Variants in TENM4 observed in about 807,000 individuals in gnomAD.
TENM4 encodes teneurin transmembrane protein 4.
TENM4 carries 82 observed loss-of-function variants against 243.3 expected under a neutral mutation model. That is an observed-to-expected ratio of 0.34 (90% confidence interval 0.28 to 0.40). The LOEUF is 0.40. Ranked by LOEUF, TENM4 falls within the 10% of genes least tolerant of loss-of-function variation. The pLI is 1.00. For missense variants in TENM4, 3,138 were observed against 3,673.3 expected, an observed-to-expected ratio of 0.85 and a Z score of 3.77; for synonymous variants, 1,412 against 1,456.3, an observed-to-expected ratio of 0.97 and a Z score of 0.69.
intron 28 of TENM4, among the ~76,000 whole-genome samples, chr11:78,696,863 T>A (rs1858980124): frequency 6.7e-6 from 1 of 150,280 alleles, no homozygotes; most frequent in Non-Finnish European, 1.5e-5. Context: ...TATGTGGGAT[T>A]TTTTTTTTTC....
At position 78,866,247 on chromosome 11, in the gene TENM4, C is replaced by T. The variant is rs146885334; in HGVS notation, c.1085-3115G>A. On this transcript the variant is annotated intron_variant, in intron 9 of 33. Coordinates refer to ENST00000278550, the MANE Select transcript of TENM4 (RefSeq NM_001098816.3). ...ACGGAGAAATTGTTTGAGCTACAGA[C>T]GAATCAGATATATGCAGCTAAGTAA... 5.6e-3 allele frequency among the ~76,000 whole-genome samples: 849 copies of T among 152,186 alleles called. 9 individuals carry two copies. Among genetic ancestry groups the T allele is most frequent in the Non-Finnish European group, 6.4e-3 (437 of 68,008 alleles).
intron 20 of TENM4, among the ~76,000 whole-genome samples, chr11:78,737,248 A>G (rs535128619): frequency 4.6e-5 from 7 of 152,330 alleles, no homozygotes; most frequent in Non-Finnish European, 1.0e-4. Flanking sequence ...GGGAGTCTTC[A>G]TGAGGGCCTT....
At chr11:79,011,833 C>G (rs1275837686) in intron 6 of TENM4, among the ~76,000 whole-genome samples, 3 of 152,296 alleles carry the variant, frequency 2.0e-5, no homozygotes, top group East Asian at 1.9e-4. Flanking sequence ...ATTAGGGGAG[C>G]CTGCCCATCT....
chr11:78,735,942 C>T (rs1855780718), intron 20 of TENM4, among the ~76,000 whole-genome samples: 1 of 140,554 alleles, frequency 7.1e-6, no homozygotes, highest in Non-Finnish European at 1.5e-5. Flanking sequence ...TTCTTTCTTT[C>T]TCTCTCTCTT....
chr11:79,039,555 C>CT (rs913338334), intron 6 of TENM4, among the ~76,000 whole-genome samples: 55 of 152,322 alleles, frequency 3.6e-4, no homozygotes, highest in African/African-American at 1.3e-3. Flanking sequence ...TAGAACTCCT[C>CT]TACAGAAAAG....
chr11:79,309,054 C>A (rs1856675294), intron 1 of TENM4, among the ~76,000 whole-genome samples: 1 of 152,024 alleles, frequency 6.6e-6, no homozygotes, highest in Non-Finnish European at 1.5e-5. Flanking sequence ...GGGGTGGGGA[C>A]TATGGTAAAC....
chr11:79,241,461 G>A (rs1382755756), intron 2 of TENM4, among the ~76,000 whole-genome samples: 1 of 152,012 alleles, frequency 6.6e-6, no homozygotes, highest in African/African-American at 2.4e-5. Context: ...GAAGTTGGAG[G>A]GGACCCCGAT....
intron 3 of TENM4, among the ~76,000 whole-genome samples, chr11:79,177,592 T>G (rs1472091756): frequency 6.6e-6 from 1 of 152,074 alleles, no homozygotes; most frequent in African/African-American, 2.4e-5. Flanking sequence ...TGATGATCAA[T>G]ATTATGGAGG....
intron 29 of TENM4, 111 bp downstream of exon 29, chr11:78,687,943 C>T: frequency 3.8e-6 from 5 of 1,309,308 alleles, no homozygotes; most frequent in Non-Finnish European, 5.3e-6. Context: ...AGTTGCAATG[C>T]TTTCCTGTTC....
rs189437547 is a variant in TENM4 at position 78,949,661 on chromosome 11, G to C, written c.494-46138C>G. Among the ~76,000 whole-genome samples, 65 of 152,338 alleles carry C rather than the reference G, an allele frequency of 4.3e-4. No homozygotes were observed. The East Asian group carries it at 0.012, about 29-fold the overall frequency. The stretch of plus-strand genomic sequence containing the variant: ...AGACTAGGGGCTTGGGGAAGGATCA[G>C]AGGGGCTCAAGAAGTAGGGAAAGGG... On this transcript the variant is annotated intron_variant, in intron 6 of 33. Coordinates refer to ENST00000278550, the MANE Select transcript of TENM4 (RefSeq NM_001098816.3).
intron 6 of TENM4, among the ~76,000 whole-genome samples, chr11:78,906,675 G>C (rs1025398031): frequency 1.3e-5 from 2 of 152,104 alleles, no homozygotes; most frequent in Admixed American, 1.3e-4. Context: ...CTGCCTCCCC[G>C]TCCAGAAAGA....
chr11:78,738,209 G>T (rs1590981763), intron 20 of TENM4, among the ~76,000 whole-genome samples: 1 of 152,236 alleles, frequency 6.6e-6, no homozygotes, highest in East Asian at 1.9e-4. Flanking sequence ...TATGTATAAG[G>T]TACCCTCTCC....
At chr11:78,903,767 G>A in intron 6 of TENM4, 2 of 716,658 alleles carry the variant, frequency 2.8e-6, no homozygotes, top group Admixed American at 2.0e-5. Flanking sequence ...ATTCTAGCAG[G>A]GGAGTGAAAC....
chr11:79,341,061 C>T (rs1052634174), intron 1 of TENM4, among the ~76,000 whole-genome samples: 1 of 152,000 alleles, frequency 6.6e-6, no homozygotes, highest in African/African-American at 2.4e-5. Flanking sequence ...TGGGGAGAGA[C>T]CACACACCAC....
intron 14 of TENM4, among the ~76,000 whole-genome samples, chr11:78,811,388 C>T (rs1857496583): frequency 6.6e-6 from 1 of 152,190 alleles, no homozygotes; most frequent in Non-Finnish European, 1.5e-5. Context: ...CTTCCCTGGG[C>T]CTCAGTTTCT....
At chr11:79,417,191 T>C (rs11237826) in intron 1 of TENM4, among the ~76,000 whole-genome samples, 95,747 of 152,098 alleles carry the variant, frequency 0.63, 30,201 homozygotes, top group African/African-American at 0.65. Flanking sequence ...GTGTGTTTCA[T>C]GCGTTGACTC....
At chr11:79,430,435 A>T (rs1188112733) in intron 1 of TENM4, among the ~76,000 whole-genome samples, 2 of 152,182 alleles carry the variant, frequency 1.3e-5, no homozygotes, top group African/African-American at 4.8e-5. Context: ...GCCATTCACA[A>T]GCCCTTATGG....
chr11:79,193,576 G>A (rs1020689894), intron 3 of TENM4, among the ~76,000 whole-genome samples: 1 of 152,084 alleles, frequency 6.6e-6, no homozygotes, highest in Non-Finnish European at 1.5e-5. Context: ...AGTTGGGCTG[G>A]ATGGCTTCTG....
At chr11:79,222,797 G>A (rs1565256947) in intron 2 of TENM4, among the ~76,000 whole-genome samples, 1 of 152,182 alleles carries the variant, frequency 6.6e-6, no homozygotes. Context: ...CTGCATAAAT[G>A]TCTTCTTCTA....
Sources: allele counts gnomAD v4.1 joint callset (sites outside exome capture counted in the v4.1 genomes callset), GRCh38; gene constraint gnomAD v4.1.1; transcripts MANE v1.5; gene names NCBI Gene and HGNC (gene_info 2026-07-23, HGNC 2026-07-21).